The following TTK variants were observed in gnomAD, a reference collection of about 807,000 sequenced individuals.
The protein encoded by TTK is TTK protein kinase.
Under a neutral mutation model 117.3 loss-of-function variants are expected in TTK, and 59 were observed. The ratio of observed to expected loss-of-function variants is 0.50; its 90% CI spans 0.41 to 0.62. The LOEUF is 0.62. Among genes scored for constraint, TTK ranks in the 20% least tolerant of loss-of-function variants. The pLI is 0.00. For missense variants in TTK, 921 were observed against 989.4 expected, an observed-to-expected ratio of 0.93 and a Z score of 0.93; for synonymous variants, 302 against 325.0, an observed-to-expected ratio of 0.93 and a Z score of 0.76.
chr6:80,010,751 T>A (rs1464041989), intron 4 of TTK, 63 bp from the exon 5 acceptor site: 1 of 1,459,702 alleles, frequency 6.9e-7, no homozygotes, highest in African/African-American at 1.8e-5. Flanking sequence ...AATACGTATC[T>A]GGGTGGTCTG....
intron 14 of TTK, among the ~76,000 whole-genome samples, chr6:80,033,850 G>T (rs145879225): frequency 6.6e-6 from 1 of 151,906 alleles, no homozygotes; most frequent in African/African-American, 2.4e-5. Context: ...AATTGCTTTC[G>T]TAGAAATTAC....
chr6:80,008,965 G>GTGTGTGTGTA (rs2127715104), intron 4 of TTK, among the ~76,000 whole-genome samples: 1 of 148,404 alleles, frequency 6.7e-6, no homozygotes, highest in East Asian at 2.0e-4. Context: ...GTGTGTGTGT[G>GTGTGTGTGTA]TGTAGCGTTA....
Position 80,035,103 on chromosome 6 carries a change from TACA to T in TTK, c.1740_1742del (p.Gln580del). The T allele has an allele frequency of 1.3e-6, 2 of 1,592,554 alleles. No individual in the cohort carries two copies. Among genetic ancestry groups the T allele is most frequent in the African/African-American group, 1.4e-5 (1 of 73,804 alleles). On this transcript the variant is annotated inframe_deletion, in exon 15 of 22. Coordinates refer to ENST00000369798, the MANE Select transcript of TTK (RefSeq NM_003318.5). ...AACGAAATAGCTTATTTGAATAAACTACAACAACACAGTGATAAGATCATCCGA... is the reference window on the plus strand; with the variant it reads ...AACGAAATAGCTTATTTGAATAAACTACAACACAGTGATAAGATCATCCGA...
At chr6:80,007,487 G>C (rs10485142) in intron 2 of TTK, among the ~76,000 whole-genome samples, 8,971 of 152,024 alleles carry the variant, frequency 0.059, 294 homozygotes, top group South Asian at 0.11. Flanking sequence ...TAAAATTATA[G>C]TTATCCTGCA....
In TTK at chr6:80,039,701, C is replaced by T. The variant is rs1416862728; in HGVS notation, c.2136C>T (p.Ser712=). The change falls in exon 19 of 22, where the codon AGC becomes AGT. Residue 712 remains serine, a synonymous_variant. Coordinates refer to ENST00000369798, the MANE Select transcript of TTK (RefSeq NM_003318.5). The part of the protein sequence containing the change: ...RENGKSKSKI[S]PKSDVWSLGC... The stretch of plus-strand genomic sequence containing the variant: ...TTTGTTTGTTTTTTTCTTAGATAAG[C>T]CCCAAAAGTGATGTTTGGTCCTTAG... 5.3e-6 allele frequency: 8 copies of T among 1,519,374 alleles called. No homozygotes were observed. The Middle Eastern group carries it at 5.2e-4, about 98-fold the overall frequency. 94.1% of individuals were successfully genotyped at this position (1,519,374 alleles called of 1,614,324 possible).
intron 5 of TTK, 41 bp from the exon 6 acceptor site, chr6:80,011,391 CTT>C: frequency 7.4e-7 from 1 of 1,350,354 alleles, no homozygotes; most frequent in Non-Finnish European, 1.0e-6. Context: ...TTGTACTTGT[CTT>C]ATTTCTTATA....
Position 80,026,534 on chromosome 6 carries a change from G to T in TTK, c.1394+20G>T. ...GAGCTGGTAATTACTTTGGCCCCTTGCTTGATTGGCAGGGTGGTATGATAG... is the reference window on the plus strand; with the variant it reads ...GAGCTGGTAATTACTTTGGCCCCTTTCTTGATTGGCAGGGTGGTATGATAG... On this transcript the variant is annotated intron_variant, in intron 12 of 21. Transcript: ENST00000369798. 3 of 1,612,148 alleles carry T rather than the reference G, an allele frequency of 1.9e-6. No individual in the cohort carries two copies. Among genetic ancestry groups the T allele is most frequent in the Non-Finnish European group, 2.5e-6 (3 of 1,179,282 alleles).
At chr6:80,011,670 GT>G (rs1767159695) in intron 6 of TTK, 58 bp from the exon 7 acceptor site, 11 of 1,584,404 alleles carry the variant, frequency 6.9e-6, no homozygotes, top group Non-Finnish European at 9.5e-6. Flanking sequence ...TAGCAGTAGA[GT>G]AGAAATACAT....
chr6:80,025,631 G>A (rs1456321271), intron 11 of TTK, among the ~76,000 whole-genome samples: 3 of 152,138 alleles, frequency 2.0e-5, no homozygotes, highest in Admixed American at 1.3e-4. Context: ...GGCTAGATGG[G>A]CTCTGTTGTA....
chr6:80,024,038 A>G (rs1013100224), intron 11 of TTK, among the ~76,000 whole-genome samples: 3 of 152,234 alleles, frequency 2.0e-5, no homozygotes, highest in African/African-American at 7.2e-5. Flanking sequence ...CATTAAAGAA[A>G]TGCAAAGCAA....
intron 2 of TTK, among the ~76,000 whole-genome samples, chr6:80,006,475 A>G (rs1017498530): frequency 2.6e-5 from 4 of 152,206 alleles, no homozygotes; most frequent in Non-Finnish European, 5.9e-5. Context: ...TTAATGGAGT[A>G]TAATTGTGCT....
chr6:80,005,996 T>A lies in TTK; in HGVS notation c.139+14T>A. 6.3e-7 allele frequency: 1 copy of A among 1,597,102 alleles called. No homozygotes were observed. Among genetic ancestry groups the A allele is most frequent in the Non-Finnish European group, 8.5e-7 (1 of 1,175,960 alleles). On this transcript the variant is annotated intron_variant, in intron 2 of 21. Coordinates refer to ENST00000369798, the MANE Select transcript of TTK (RefSeq NM_003318.5). Reference sequence around the variant, plus strand: ...CTGATACTACAGGTGAGTTTTTCTTTTCTTTTAAGTTAGTAACTGTTTGTT... The same window carrying A: ...CTGATACTACAGGTGAGTTTTTCTTATCTTTTAAGTTAGTAACTGTTTGTT...
chr6:80,022,860 T>C (rs1410569356), intron 11 of TTK, among the ~76,000 whole-genome samples: 2 of 152,190 alleles, frequency 1.3e-5, no homozygotes, highest in African/African-American at 4.8e-5. Flanking sequence ...CTGCAAAGTT[T>C]AAAATGTTTA....
At position 80,008,416 on chromosome 6, in the gene TTK, C is replaced by CT; in HGVS notation, c.396dup (p.Gln133SerfsTer21). 6.2e-7 allele frequency: 1 copy of CT among 1,612,262 alleles called. No homozygotes were observed. The highest frequency in any genetic ancestry group is 8.5e-7 in the Non-Finnish European group (1 of 1,179,142). ...AAGAGCCAGATGATGCACGTGACTA[C>CT]TTTCAAATGGCCAGAGCAAACTGCA... On this transcript the variant is annotated frameshift_variant, in exon 4 of 22. Coordinates refer to ENST00000369798, the MANE Select transcript of TTK (RefSeq NM_003318.5). LOFTEE classifies it high-confidence loss of function.
rs920672186 is a variant in TTK at position 80,036,513 on chromosome 6, A to T, written c.1963A>T (p.Ile655Leu). 2.5e-6 allele frequency: 4 copies of T among 1,611,290 alleles called. No individual in the cohort carries two copies. In the African/African-American group the frequency reaches 4.0e-5, roughly 16 times the overall value. The change falls in exon 17 of 22, where the codon ATA (isoleucine) becomes TTA (leucine). Residue 655 changes from isoleucine to leucine, a missense_variant. Physicochemically the swap from Ile to Leu is conservative, Grantham distance 5 (BLOSUM62 2). Transcript: ENST00000369798. ...TGATCTTAAACCAGCTAACTTTCTGATAGTTGATGGAATGCTAAAGCTAAT... is the reference window on the plus strand; with the variant it reads ...TGATCTTAAACCAGCTAACTTTCTGTTAGTTGATGGAATGCTAAAGCTAAT... ...HSDLKPANFL[I>L]VDGMLKLIDF...
At chr6:80,040,003 A>C in intron 19 of TTK, 131 bp downstream of exon 19, 1 of 1,021,836 alleles carries the variant, frequency 9.8e-7, no homozygotes, top group Non-Finnish European at 1.3e-6. Context: ...TTTTACTTTG[A>C]AGATGTTTTA....
At chr6:80,014,675 T>C in intron 10 of TTK, 89 bp downstream of exon 10, 1 of 1,319,008 alleles carries the variant, frequency 7.6e-7, no homozygotes, top group East Asian at 2.4e-5. Context: ...CTAAGAATTA[T>C]GATGTGAAAC....
rs1768023271 is a variant in TTK, at chr6:80,040,617, G to A, written c.2404G>A (p.Ala802Thr). Residue 802 changes from alanine to threonine, a missense_variant, in exon 21 of 22, where the codon GCC (alanine) becomes ACC (threonine). Physicochemically the swap from Ala to Thr is moderately conservative, Grantham distance 58 (BLOSUM62 0). Transcript: ENST00000369798. ...GATTTATTTTATAGTTAACCAAATGGCCAAGGGAACCACTGAAGAAATGAA... is the reference window on the plus strand; with the variant it reads ...GATTTATTTTATAGTTAACCAAATGACCAAGGGAACCACTGAAGAAATGAA... ...QIQTHPVNQM[A>T]KGTTEEMKYV... The A allele has an allele frequency of 6.2e-7, 1 of 1,611,292 alleles. No homozygotes were observed. The highest frequency in any genetic ancestry group is 1.3e-5 in the African/African-American group (1 of 74,764).
intron 4 of TTK, among the ~76,000 whole-genome samples, chr6:80,008,980 G>A (rs1237314220): frequency 1.8e-5 from 2 of 110,484 alleles, no homozygotes; most frequent in Non-Finnish European, 3.9e-5. Flanking sequence ...GCGTTAATTG[G>A]TAGTTCTTTA....
Sources: allele counts gnomAD v4.1 joint callset (sites outside exome capture counted in the v4.1 genomes callset), GRCh38; gene constraint gnomAD v4.1.1; transcripts MANE v1.5; gene names NCBI Gene and HGNC (gene_info 2026-07-23, HGNC 2026-07-21).